The following WWOX variants were observed in gnomAD, a reference collection of about 807,000 sequenced individuals.
The protein encoded by WWOX is WW domain containing oxidoreductase, also known as WW domain-containing oxidoreductase.
WWOX carries 69 observed loss-of-function variants against 46.2 expected under a neutral mutation model. The ratio of observed to expected loss-of-function variants is 1.49; its 90% CI spans 1.23 to 1.82. The LOEUF (loss-of-function observed/expected upper bound fraction) is 1.82, where lower values mean the gene tolerates loss of function less well. WWOX is among the 40% of genes most tolerant of loss of function. The pLI is 0.00. For synonymous variants in WWOX, 359 were observed against 202.6 expected (o/e 1.77, Z -6.56); for missense variants, 919 against 542.6 (o/e 1.69, Z -6.89).
intron 8 of WWOX, among the ~76,000 whole-genome samples, chr16:78,531,674 C>G (rs1431372728): frequency 1.3e-5 from 2 of 151,948 alleles, no homozygotes; most frequent in Non-Finnish European, 2.9e-5. Context: ...GAAACCCTGT[C>G]TCTACTAAAA....
intron 8 of WWOX, among the ~76,000 whole-genome samples, chr16:78,927,725 G>A (rs532592518): frequency 6.6e-6 from 1 of 152,166 alleles, no homozygotes; most frequent in Admixed American, 6.5e-5. Flanking sequence ...GCCTGGGCTT[G>A]TATCTTTTGT....
intron 5 of WWOX, among the ~76,000 whole-genome samples, chr16:78,279,435 A>G (rs2079638247): frequency 6.6e-6 from 1 of 152,250 alleles, no homozygotes; most frequent in African/African-American, 2.4e-5. Flanking sequence ...GTATATTATA[A>G]AAAATAATTA....
At chr16:78,601,797 C>A (rs1232861309) in intron 8 of WWOX, among the ~76,000 whole-genome samples, 1 of 152,104 alleles carries the variant, frequency 6.6e-6, no homozygotes, top group Admixed American at 6.5e-5. Flanking sequence ...ATTTTCTCTG[C>A]GGAAGAGTAG....
At chr16:78,320,438 C>A (rs1247711101) in intron 5 of WWOX, among the ~76,000 whole-genome samples, 1 of 152,150 alleles carries the variant, frequency 6.6e-6, no homozygotes, top group African/African-American at 2.4e-5. Context: ...ACACATTGTG[C>A]ATTTGTTTTT....
intron 4 of WWOX, among the ~76,000 whole-genome samples, chr16:78,124,965 C>G (rs1010032974): frequency 9.9e-5 from 15 of 152,074 alleles, no homozygotes; most frequent in African/African-American, 3.4e-4. Context: ...ATGAACGGAG[C>G]TAAGCCTTTT....
chr16:78,325,589 C>T (rs968288994), intron 5 of WWOX, among the ~76,000 whole-genome samples: 5 of 152,156 alleles, frequency 3.3e-5, no homozygotes, highest in Non-Finnish European at 5.9e-5. Flanking sequence ...GAATGTTTTT[C>T]AAAAGGCTAA....
Position 78,432,530 on chromosome 16 carries a change from T to A in WWOX, c.834T>A (p.Ser278Arg). Residue 278 changes from serine (S) to arginine (R), a missense_variant, in exon 8 of 9, where the codon AGT (serine) becomes AGA (arginine). By Grantham distance (110) the Ser-to-Arg change is moderately radical. Coordinates refer to ENST00000566780, the MANE Select transcript of WWOX (RefSeq NM_016373.4). ...ACTCCTTGGGAAAACTGGACTTCAG[T>A]CGCCTCTCTCCAACAAAAAACGACT... ...INDSLGKLDF[S>R]RLSPTKNDYW... 6.2e-7 allele frequency: 1 copy of A among 1,614,172 alleles called. No individual in the cohort carries two copies. Among genetic ancestry groups the A allele is most frequent in the Non-Finnish European group, 8.5e-7 (1 of 1,179,998 alleles).
chr16:78,614,513 G>A (rs1055011675), intron 8 of WWOX, among the ~76,000 whole-genome samples: 7 of 152,212 alleles, frequency 4.6e-5, no homozygotes, highest in African/African-American at 4.8e-5. Context: ...TGTGTGTCCT[G>A]CTGGGCTCAC....
At chr16:78,521,842 A>G (rs1247891777) in intron 8 of WWOX, among the ~76,000 whole-genome samples, 1 of 152,156 alleles carries the variant, frequency 6.6e-6, no homozygotes, top group Non-Finnish European at 1.5e-5. Flanking sequence ...AGCCTATGAA[A>G]AATGACTTGT....
rs371861452 is a variant in WWOX at position 78,867,467 on chromosome 16, A to G, written c.1057-344141A>G. 1.4e-4 allele frequency among the ~76,000 whole-genome samples: 21 copies of G among 151,616 alleles called. No individual in the cohort carries two copies. In the East Asian group the frequency reaches 3.1e-3, roughly 22 times the overall value. On this transcript the variant is annotated intron_variant, in intron 8 of 8. Transcript: ENST00000566780. Reference sequence around the variant, plus strand: ...TTGACAGATGGGGAATCTGAGACTCAGAGAAGTTAAATGATTTTGTGTGTG... The same window carrying G: ...TTGACAGATGGGGAATCTGAGACTCGGAGAAGTTAAATGATTTTGTGTGTG...
intron 5 of WWOX, among the ~76,000 whole-genome samples, chr16:78,325,782 C>T (rs550133095): frequency 1.3e-5 from 2 of 152,304 alleles, no homozygotes; most frequent in South Asian, 4.1e-4. Context: ...AAGTCCGTTG[C>T]CCTGGAATGG....
At chr16:78,457,336 A>G (rs1389891739) in intron 8 of WWOX, among the ~76,000 whole-genome samples, 1 of 152,190 alleles carries the variant, frequency 6.6e-6, no homozygotes, top group Non-Finnish European at 1.5e-5. Context: ...CAGATTTGCT[A>G]CTTGTTCTCT....
intron 1 of WWOX, among the ~76,000 whole-genome samples, chr16:78,105,630 C>A (rs1207304278): frequency 6.6e-6 from 1 of 151,940 alleles, no homozygotes; most frequent in African/African-American, 2.4e-5. Flanking sequence ...TTTGTAGTTC[C>A]TTTGGAAAGT....
chr16:79,071,892 A>C (rs965583604), intron 8 of WWOX, among the ~76,000 whole-genome samples: 2 of 152,184 alleles, frequency 1.3e-5, no homozygotes, highest in Admixed American at 1.3e-4. Flanking sequence ...GGTGCACCAG[A>C]TGGTCTCATT....
At chr16:78,185,181 A>T (rs955516641) in intron 5 of WWOX, among the ~76,000 whole-genome samples, 1 of 152,330 alleles carries the variant, frequency 6.6e-6, no homozygotes, top group East Asian at 1.9e-4. Context: ...CCATATGTGC[A>T]TAGAGGGAGG....
chr16:78,874,732 G>A (rs1231773836), intron 8 of WWOX, among the ~76,000 whole-genome samples: 1 of 130,558 alleles, frequency 7.7e-6, no homozygotes, highest in Admixed American at 9.2e-5. Context: ...ACTTAGTAAG[G>A]CCATCACAGG....
intron 8 of WWOX, among the ~76,000 whole-genome samples, chr16:79,093,383 A>T (rs916599266): frequency 1.3e-5 from 2 of 152,218 alleles, no homozygotes; most frequent in Non-Finnish European, 2.9e-5. Context: ...CCTTTCAATT[A>T]TGAGATCAAA....
At chr16:78,677,333 C>G (rs1354271225) in intron 8 of WWOX, among the ~76,000 whole-genome samples, 1 of 152,276 alleles carries the variant, frequency 6.6e-6, no homozygotes, top group Non-Finnish European at 1.5e-5. Context: ...GTTGAAAACT[C>G]AATGTTGAGA....
intron 8 of WWOX, among the ~76,000 whole-genome samples, chr16:79,184,572 C>G (rs773476776): frequency 6.6e-6 from 1 of 152,204 alleles, no homozygotes; most frequent in Non-Finnish European, 1.5e-5. Flanking sequence ...TGCACCCACT[C>G]TGCAACTCTC....
Sources: gnomAD v4.1 joint callset for allele counts (sites outside exome capture counted in the v4.1 genomes callset) on GRCh38, gnomAD v4.1.1 for gene constraint, MANE v1.5 for transcripts, NCBI Gene and HGNC (gene_info 2026-07-23, HGNC 2026-07-21) for gene names.